The following TARM1 variants were observed in gnomAD, a reference collection of about 807,000 sequenced individuals.
The protein encoded by TARM1 is T cell-interacting, activating receptor on myeloid cells 1, also known as T-cell-interacting, activating receptor on myeloid cells protein 1.
TARM1 carries 24 observed loss-of-function variants against 30.4 expected under a neutral mutation model. The observed-to-expected ratio is 0.79, with a 90% CI of 0.57 to 1.11. The LOEUF is 1.11. Among genes scored for constraint, TARM1 ranks in the 50% least tolerant of loss-of-function variants. TARM1 has a pLI of 0.00. For missense variants in TARM1, 323 were observed against 332.8 expected (o/e 0.97, Z 0.23); for synonymous variants, 129 against 138.9 (o/e 0.93, Z 0.50).
Position 54,070,190 on chromosome 19 carries a change from C to A in TARM1, c.659-30G>T, listed in dbSNP as rs114826580. 1,093 of 1,544,460 alleles carry A rather than the reference C, an allele frequency of 7.1e-4. 10 individuals carry two copies. The African/African-American group carries it at 0.014, about 20-fold the overall frequency. ...AAGAGAGAAGGGGCTCAGCACTGAC[C>A]CTCAGAGGGTATCCCTCCTTCTCAA... is the stretch of plus-strand genomic sequence containing the variant. On this transcript the variant is annotated intron_variant, in intron 4 of 4. Transcript: ENST00000432826.
intron 1 of TARM1, among the ~76,000 whole-genome samples, chr19:54,080,132 G>GAAAGAAAGAAAGAAAGAAAGAAAGA: frequency 1.9e-5 from 1 of 51,882 alleles, no homozygotes; most frequent in Admixed American, 2.4e-4. Context: ...AGGAAGGAAG[G>GAAAGAAAGAAAGAAAGAAAGAAAGA]AAGGAAGAAA....
At chr19:54,070,448 C>T (rs1374626338) in intron 4 of TARM1, among the ~76,000 whole-genome samples, 10 of 151,220 alleles carry the variant, frequency 6.6e-5, no homozygotes, top group African/African-American at 1.9e-4. Context: ...TTAGTAGAGA[C>T]GGGGTTTCGC....
chr19:54,078,813 T>C (rs2072024840), intron 1 of TARM1, among the ~76,000 whole-genome samples: 1 of 151,994 alleles, frequency 6.6e-6, no homozygotes, highest in South Asian at 2.1e-4. Flanking sequence ...TACAGTGGGA[T>C]TTTAGCCATA....
intron 1 of TARM1, among the ~76,000 whole-genome samples, chr19:54,079,573 C>G (rs2072044567): frequency 6.6e-6 from 1 of 151,768 alleles, no homozygotes; most frequent in Non-Finnish European, 1.5e-5. Flanking sequence ...GGTGGCAGAG[C>G]CACCACAGTG....
intron 1 of TARM1, among the ~76,000 whole-genome samples, chr19:54,077,101 T>C (rs1372476983): frequency 3.9e-5 from 6 of 152,016 alleles, no homozygotes; most frequent in Non-Finnish European, 2.9e-5. Flanking sequence ...CTCTTGACCA[T>C]GCCGGGCGCG....
intron 1 of TARM1, chr19:54,076,250 CTTTCTTTCTTT>C (rs1281088190): frequency 1.3e-5 from 20 of 1,500,448 alleles, no homozygotes; most frequent in East Asian, 2.5e-5. Flanking sequence ...TCTTTCCTTT[CTTTCTTTCTTT>C]TTTCTTTCTT....
At position 54,074,194 on chromosome 19, in the gene TARM1, G is replaced by C. The variant is rs368639295; in HGVS notation, c.384C>G (p.Leu128=). 6.4e-7 allele frequency: 1 copy of C among 1,551,488 alleles called. No individual in the cohort carries two copies. Among genetic ancestry groups the C allele is most frequent in the African/African-American group, 1.4e-5 (1 of 73,036 alleles). The change falls in exon 4 of 5, where the codon CTC becomes CTG. Residue 128 remains leucine (L), a synonymous_variant. Transcript: ENST00000432826. ...TCACTGTACCCCTTTGGTAGGTTCG[G>C]AGGAAAGGTTTAGATAAATGTCCTG... ...LVTGHLSKPF[L]RTYQRGTVTA... is the part of the protein sequence containing the mutation.
intron 1 of TARM1, among the ~76,000 whole-genome samples, chr19:54,078,461 C>G (rs1402224745): frequency 6.6e-6 from 1 of 151,934 alleles, no homozygotes; most frequent in South Asian, 2.1e-4. Context: ...TCACTGCAAC[C>G]TCTGACTCCT....
rs587772908 is a variant in TARM1, at chr19:54,073,893, G to A, written c.658+27C>T. 2.0e-4 allele frequency: 304 copies of A among 1,541,516 alleles called. No individual in the cohort carries two copies. The African/African-American group carries it at 3.5e-3, about 18-fold the overall frequency. On this transcript the variant is annotated intron_variant, in intron 4 of 4. Transcript: ENST00000432826. The stretch of plus-strand genomic sequence containing the variant: ...TCTCTGATTAAAAACAACACACACA[G>A]TTCCTCAAAACCATACACGCCCTTA...
At chr19:54,074,567 C>T (rs2071897042) in intron 3 of TARM1, among the ~76,000 whole-genome samples, 1 of 152,154 alleles carries the variant, frequency 6.6e-6, no homozygotes, top group African/African-American at 2.4e-5. Flanking sequence ...CCTGTAATCC[C>T]AGCTGCTCAG....
intron 1 of TARM1, among the ~76,000 whole-genome samples, chr19:54,076,977 TG>T (rs1373069736): frequency 1.3e-5 from 2 of 152,164 alleles, no homozygotes; most frequent in African/African-American, 4.8e-5. Context: ...AACATCCAAA[TG>T]GTCATTCCAG....
chr19:54,072,300 C>T (rs1452059523), intron 4 of TARM1, among the ~76,000 whole-genome samples: 1 of 152,044 alleles, frequency 6.6e-6, no homozygotes, highest in Admixed American at 6.6e-5. Context: ...TCCAGGCACC[C>T]GGCAAGAGCT....
chr19:54,073,787 C>T, intron 4 of TARM1, 133 bp downstream of exon 4: 1 of 1,210,186 alleles, frequency 8.3e-7, no homozygotes, highest in Non-Finnish European at 1.1e-6. Flanking sequence ...GCCACCACGC[C>T]AGGCCAGAAA....
Position 54,074,887 on chromosome 19 carries a change from A to G in TARM1, c.298T>C (p.Tyr100His), listed in dbSNP as rs1235858194. 2 of 1,551,420 alleles carry G rather than the reference A, an allele frequency of 1.3e-6. No individual in the cohort carries two copies. Among genetic ancestry groups the G allele is most frequent in the African/African-American group, 2.7e-5 (2 of 72,980 alleles). The change falls in exon 3 of 5, where the codon TAC becomes CAC. Residue 100 changes from tyrosine (Y) to histidine (H), a missense_variant. Coordinates refer to ENST00000432826, the MANE Select transcript of TARM1 (RefSeq NM_001135686.3). The part of the protein sequence containing the change: ...RNAGEYTCEY[Y>H]RKASPHILSQ... ...AGGATGTGGGGGGATGCTTTTCTGT[A>G]GTATTCACAGGTGTACTCTCCAGCA...
chr19:54,080,733 G>A (rs956276525), intron 1 of TARM1, among the ~76,000 whole-genome samples: 7 of 152,214 alleles, frequency 4.6e-5, no homozygotes, highest in South Asian at 2.1e-4. Context: ...AGCACTTTGA[G>A]AGACTGAGGT....
At chr19:54,077,707 T>TATA (rs1205412716) in intron 1 of TARM1, among the ~76,000 whole-genome samples, 1 of 151,602 alleles carries the variant, frequency 6.6e-6, no homozygotes, top group Non-Finnish European at 1.5e-5. Context: ...GTGTGCTCTA[T>TATA]ATATTCAATG....
At chr19:54,070,995 T>C (rs1021576146) in intron 4 of TARM1, among the ~76,000 whole-genome samples, 6 of 152,262 alleles carry the variant, frequency 3.9e-5, no homozygotes, top group Admixed American at 3.3e-4. Context: ...TCTCACTCTG[T>C]TGCTCAGGCT....
chr19:54,072,145 C>A (rs1028023487), intron 4 of TARM1, among the ~76,000 whole-genome samples: 1 of 151,286 alleles, frequency 6.6e-6, no homozygotes, highest in Non-Finnish European at 1.5e-5. Flanking sequence ...GCCGAGATCG[C>A]GCCACTGCAC....
chr19:54,074,480 C>T (rs1388861353), intron 3 of TARM1, among the ~76,000 whole-genome samples: 4 of 152,074 alleles, frequency 2.6e-5, no homozygotes, highest in African/African-American at 7.2e-5. Flanking sequence ...GTCAGGAGTT[C>T]GAGACCAGCC....
Sources: gnomAD v4.1 joint callset for allele counts (sites outside exome capture counted in the v4.1 genomes callset) on GRCh38, gnomAD v4.1.1 for gene constraint, MANE v1.5 for transcripts, NCBI Gene and HGNC (gene_info 2026-07-23, HGNC 2026-07-21) for gene names.